Variants in CSNK2B observed in about 807,000 individuals in gnomAD.
CSNK2B encodes the protein casein kinase II subunit beta.
CSNK2B carries 2 observed loss-of-function variants against 28.8 expected under a neutral mutation model. That is an observed-to-expected ratio of 0.07 (90% CI 0.03 to 0.22). The LOEUF (loss-of-function observed/expected upper bound fraction) is 0.22, where lower values mean the gene tolerates loss of function less well. Ranked by LOEUF, CSNK2B falls within the 10% of genes least tolerant of loss-of-function variation. CSNK2B has a pLI of 1.00. For missense variants in CSNK2B, 107 were observed against 277.9 expected, an observed-to-expected ratio of 0.39 and a Z score of 4.37; for synonymous variants, 89 against 96.1, an observed-to-expected ratio of 0.93 and a Z score of 0.43.
intron 3 of CSNK2B, chr6:31,668,181 C>T (rs1270032906): frequency 3.2e-6 from 2 of 625,836 alleles, no homozygotes. Flanking sequence ...CAATTCAGAC[C>T]TATTCCAAAA....
Position 31,666,198 on chromosome 6 carries a change from C to T in CSNK2B, c.-22C>T. The T allele has an allele frequency of 1.0e-6, 1 of 992,264 alleles. No homozygotes were observed. Among genetic ancestry groups the T allele is most frequent in the Non-Finnish European group, 1.2e-6 (1 of 833,224 alleles). The allele number at this position is 992,264 out of a possible 1,614,324, so 61.5% of individuals were successfully genotyped here. A position where few individuals can be genotyped will look rare whatever the true frequency, so the allele number is the denominator to read the frequency against. On this transcript the variant is annotated 5_prime_UTR_variant, in exon 1 of 7. Coordinates refer to ENST00000375882, the MANE Select transcript of CSNK2B (RefSeq NM_001320.7). ...CCCTACCCCACCCCAGTCCTGGTCCCCGTCCAGCCGGTGAGTCTGAAGTCG... is the reference window on the plus strand; with the variant it reads ...CCCTACCCCACCCCAGTCCTGGTCCTCGTCCAGCCGGTGAGTCTGAAGTCG...
In CSNK2B at chr6:31,666,222, C is replaced by A; in HGVS notation, c.-12+14C>A. 1 of 986,724 alleles carries A rather than the reference C, an allele frequency of 1.0e-6. No homozygotes were observed. Among genetic ancestry groups the A allele is most frequent in the Non-Finnish European group, 1.2e-6 (1 of 828,684 alleles). The allele number at this position is 986,724 out of a possible 1,614,324, so 61.1% of individuals were successfully genotyped here. A position where few individuals can be genotyped will look rare whatever the true frequency, so the allele number is the denominator to read the frequency against. On this transcript the variant is annotated intron_variant, in intron 1 of 6. Coordinates refer to ENST00000375882, the MANE Select transcript of CSNK2B (RefSeq NM_001320.7). The stretch of plus-strand genomic sequence containing the variant: ...CCCGTCCAGCCGGTGAGTCTGAAGT[C>A]GTCGCTGCTCCGAGTCCCTTGTCGC...
intron 2 of CSNK2B, 86 bp downstream of exon 2, chr6:31,666,989 C>G (rs1447942002): frequency 4.7e-6 from 5 of 1,067,154 alleles, no homozygotes; most frequent in Non-Finnish European, 7.2e-6. Flanking sequence ...CTGCACTGTT[C>G]TCTTACATGC....
chr6:31,669,812 T>C lies in CSNK2B; in HGVS notation c.558-24T>C. 1 of 1,600,200 alleles carries C rather than the reference T, an allele frequency of 6.2e-7. No individual in the cohort carries two copies. Among genetic ancestry groups the C allele is most frequent in the Non-Finnish European group, 8.5e-7 (1 of 1,172,664 alleles). ...CCTGGATGGGGCTCATGCTGCTGCC[T>C]CTCTGACCTCTGCCCTGGCCTAGGC... On this transcript the variant is annotated intron_variant, in intron 6 of 6. Transcript: ENST00000375882. This position sits in a 1 kb window ranked among gnomAD's most constrained non-coding sequence, Gnocchi z 4.8.
At position 31,669,657 on chromosome 6, in the gene CSNK2B, T is replaced by G. The variant is rs1802041022; in HGVS notation, c.557+149T>G. ...AGTGACTGTGGGAAAGTTATTTGAT[T>G]ATCTGTGCTTGAGTTACCTTATTGT... On this transcript the variant is annotated intron_variant, in intron 6 of 6. Transcript: ENST00000375882. The surrounding 1 kb of genome is among the most constrained non-coding windows in gnomAD (Gnocchi z 4.8). 4 of 1,084,230 alleles carry G rather than the reference T, an allele frequency of 3.7e-6. No individual in the cohort carries two copies. The highest frequency in any genetic ancestry group is 5.3e-6 in the Non-Finnish European group (4 of 758,770). 67.2% of individuals were successfully genotyped at this position (1,084,230 alleles called of 1,614,324 possible).
intron 4 of CSNK2B, 131 bp downstream of exon 4, chr6:31,668,785 C>A: frequency 2.5e-6 from 2 of 807,900 alleles, no homozygotes; most frequent in South Asian, 1.6e-5. Context: ...AGAACTTGGG[C>A]CTGGGAATTG....
chr6:31,669,660 CTG>C lies in CSNK2B; in HGVS notation c.557+155_557+156del, dbSNP rs1802041424. ...GACTGTGGGAAAGTTATTTGATTAT[CTG>C]TGCTTGAGTTACCTTATTGTAGAAT... On this transcript the variant is annotated intron_variant, in intron 6 of 6. Transcript: ENST00000375882. The surrounding 1 kb of genome is among the most constrained non-coding windows in gnomAD (Gnocchi z 4.8). 1 of 1,085,718 alleles carries C rather than the reference CTG, an allele frequency of 9.2e-7. No homozygotes were observed. Among genetic ancestry groups the C allele is most frequent in the South Asian group, 1.5e-5 (1 of 65,476 alleles). The allele number at this position is 1,085,718 out of a possible 1,614,324, so 67.3% of individuals were successfully genotyped here.
chr6:31,666,462 T>TG (rs1261001920), intron 1 of CSNK2B: 2 of 279,992 alleles, frequency 7.1e-6, no homozygotes, highest in African/African-American at 4.4e-5. Flanking sequence ...GGGAAAGGCG[T>TG]GGGGGTCATG....
rs781671289 is a variant in CSNK2B, at chr6:31,669,023, A to G, written c.292-74A>G. ...TGGGAGGAGTGGGGGACAGAGTGGT[A>G]TGGGTTGGGCTGCGAAGGGAGTTGC... On this transcript the variant is annotated intron_variant, in intron 4 of 6. Transcript: ENST00000375882. The surrounding 1 kb of genome is among the most constrained non-coding windows in gnomAD (Gnocchi z 4.8). 3.9e-5 allele frequency: 42 copies of G among 1,079,436 alleles called. No homozygotes were observed. The highest frequency in any genetic ancestry group is 2.4e-4 in the South Asian group (19 of 78,658). 66.9% of individuals were successfully genotyped at this position (1,079,436 alleles called of 1,614,324 possible).
chr6:31,669,776 G>C lies in CSNK2B; in HGVS notation c.558-60G>C, dbSNP rs1324523536. 4 of 1,437,742 alleles carry C rather than the reference G, an allele frequency of 2.8e-6. No homozygotes were observed. In the African/African-American group the frequency reaches 5.7e-5, roughly 20 times the overall value. The allele number at this position is 1,437,742 out of a possible 1,614,324, so 89.1% of individuals were successfully genotyped here. On this transcript the variant is annotated intron_variant, in intron 6 of 6. Coordinates refer to ENST00000375882, the MANE Select transcript of CSNK2B (RefSeq NM_001320.7). The surrounding 1 kb of genome is among the most constrained non-coding windows in gnomAD (Gnocchi z 4.8). ...CAGGTGGGGAGGTGGGAATGCAGGTGACTGGCAGGGCCTGGATGGGGCTCA... is the reference window on the plus strand; with the variant it reads ...CAGGTGGGGAGGTGGGAATGCAGGTCACTGGCAGGGCCTGGATGGGGCTCA...
chr6:31,668,293 G>A (rs1583607639), intron 3 of CSNK2B: 6 of 601,584 alleles, frequency 1.0e-5, no homozygotes, highest in Middle Eastern at 8.7e-4. Flanking sequence ...GTTATGTATT[G>A]AGGAGGGAGT....
At chr6:31,668,005 G>C in intron 3 of CSNK2B, 35 bp downstream of exon 3, 1 of 1,365,414 alleles carries the variant, frequency 7.3e-7, no homozygotes, top group East Asian at 2.3e-5. Flanking sequence ...GTGTGTGTGC[G>C]TGCACTATTT....
intron 4 of CSNK2B, 99 bp from the exon 5 acceptor site, chr6:31,668,998 T>G: frequency 1.2e-6 from 1 of 847,720 alleles, no homozygotes; most frequent in Non-Finnish European, 2.0e-6. Flanking sequence ...TGGACAGAGG[T>G]GGGAGGAGTG....
chr6:31,668,360 C>A, intron 3 of CSNK2B, 179 bp from the exon 4 acceptor site: 1 of 613,342 alleles, frequency 1.6e-6, no homozygotes, highest in Non-Finnish European at 2.9e-6. Context: ...GCAGAGCTGT[C>A]TTCGTTTGAT....
At chr6:31,667,352 G>A (rs1161517250) in intron 2 of CSNK2B, 8 of 361,848 alleles carry the variant, frequency 2.2e-5, no homozygotes, top group Admixed American at 7.5e-5. Flanking sequence ...GGCTGGTCTC[G>A]AACTCCAGAC....
In CSNK2B at chr6:31,667,127, A is replaced by C. The variant is rs184863765; in HGVS notation, c.72+224A>C. 8.2e-4 allele frequency: 570 copies of C among 693,462 alleles called. 3 individuals carry two copies. Among genetic ancestry groups the C allele is most frequent in the African/African-American group, 7.6e-3 (433 of 57,072 alleles). The allele number at this position is 693,462 out of a possible 1,614,324, so 43.0% of individuals were successfully genotyped here. ...CAGCAATATAACGTTGGGCTAGTCAATTTGTGTCTTTTTCTTTTTTTTGAG... is the reference window on the plus strand; with the variant it reads ...CAGCAATATAACGTTGGGCTAGTCACTTTGTGTCTTTTTCTTTTTTTTGAG... On this transcript the variant is annotated intron_variant, in intron 2 of 6. Transcript: ENST00000375882.
chr6:31,668,333 A>G, intron 3 of CSNK2B: 2 of 603,158 alleles, frequency 3.3e-6, no homozygotes, highest in Non-Finnish European at 5.9e-6. Context: ...CAGAGGCTGA[A>G]AAGGTGTGAA....
In CSNK2B at chr6:31,669,008, G is replaced by C; in HGVS notation, c.292-89G>C. On this transcript the variant is annotated intron_variant, in intron 4 of 6. Transcript: ENST00000375882. This position sits in a 1 kb window ranked among gnomAD's most constrained non-coding sequence, Gnocchi z 4.8. The stretch of plus-strand genomic sequence containing the variant: ...GCCTCTGGACAGAGGTGGGAGGAGT[G>C]GGGGACAGAGTGGTATGGGTTGGGC... 1.1e-6 allele frequency: 1 copy of C among 935,034 alleles called. No homozygotes were observed. The highest frequency in any genetic ancestry group is 1.6e-5 in the African/African-American group (1 of 62,078). The allele number at this position is 935,034 out of a possible 1,614,324, so 57.9% of individuals were successfully genotyped here.
At chr6:31,667,778 T>C in intron 2 of CSNK2B, 90 bp from the exon 3 acceptor site, 1 of 630,900 alleles carries the variant, frequency 1.6e-6, no homozygotes, top group Admixed American at 3.2e-5. Flanking sequence ...TGCAGTTGTG[T>C]TGATGATAAG....
Sources: allele counts gnomAD v4.1 joint callset, GRCh38; gene constraint gnomAD v4.1.1; non-coding constraint Gnocchi (gnomAD v3.1); transcripts MANE v1.5; gene names NCBI Gene and HGNC (gene_info 2026-07-23, HGNC 2026-07-21).